Variants in NDST1 observed in about 807,000 individuals in gnomAD.
NDST1 encodes bifunctional heparan sulfate N-deacetylase/N-sulfotransferase 1.
NDST1 carries 35 observed loss-of-function variants against 92.8 expected under a neutral mutation model. The observed-to-expected ratio is 0.38, with a 90% CI of 0.29 to 0.50. The LOEUF is 0.50. Among genes scored for constraint, NDST1 ranks in the 20% least tolerant of loss-of-function variants. The probability of loss-of-function intolerance (pLI) is 0.94; values close to 1 mark genes in which losing one functional copy is unlikely to be tolerated. For missense variants in NDST1, 822 were observed against 1,182.7 expected, an observed-to-expected ratio of 0.69 and a Z score of 4.47; for synonymous variants, 493 against 500.3, an observed-to-expected ratio of 0.99 and a Z score of 0.19.
At position 150,542,979 on chromosome 5, in the gene NDST1, G is replaced by A. The variant is rs1052202232; in HGVS notation, c.1970+8G>A. The A allele has an allele frequency of 1.2e-6, 2 of 1,613,776 alleles. No individual in the cohort carries two copies. The highest frequency in any genetic ancestry group is 1.7e-6 in the Non-Finnish European group (2 of 1,179,816). ...TCACAAAGGCATCGACTGGTGAGTT[G>A]GCCTTTCTGTCCACAGCGGGACGGG... On this transcript the variant is annotated splice_region_variant and intron_variant, in intron 10 of 14. Coordinates refer to ENST00000261797, the MANE Select transcript of NDST1 (RefSeq NM_001543.5).
chr5:150,536,720 C>T (rs1755007183), intron 6 of NDST1, among the ~76,000 whole-genome samples: 1 of 152,120 alleles, frequency 6.6e-6, no homozygotes, highest in Non-Finnish European at 1.5e-5. Flanking sequence ...CATACACCAC[C>T]ATGCCTGGAT....
chr5:150,532,814 A>G, intron 3 of NDST1, 131 bp from the exon 4 acceptor site: 1 of 888,494 alleles, frequency 1.1e-6, no homozygotes, highest in Non-Finnish European at 1.9e-6. Context: ...GGCATGAGCC[A>G]CCACGCCGTC....
chr5:150,547,151 A>C (rs17713536), intron 11 of NDST1, among the ~76,000 whole-genome samples: 4,365 of 152,344 alleles, frequency 0.029, 77 homozygotes, highest in Middle Eastern at 0.058. Flanking sequence ...AGTTTCAGCA[A>C]GTTTCATGTG....
At position 150,549,706 on chromosome 5, in the gene NDST1, G is replaced by T. The variant is rs747907538; in HGVS notation, c.2345G>T (p.Arg782Leu). The change falls in exon 13 of 15, where the codon CGC becomes CTC. Residue 782 changes from arginine to leucine, a missense_variant. Arg to Leu is a moderately radical substitution (Grantham distance 102, BLOSUM62 -2). Transcript: ENST00000261797. Reference sequence around the variant, plus strand: ...CTGGTCTTGGATGGCAAACTGCTTCGCACAGAACCTGCCAAAGTGATGGAC... The same window carrying T: ...CTGGTCTTGGATGGCAAACTGCTTCTCACAGAACCTGCCAAAGTGATGGAC... The part of the protein sequence containing the change: ...QILVLDGKLL[R>L]TEPAKVMDMV... The T allele has an allele frequency of 2.2e-5, 35 of 1,613,810 alleles. No homozygotes were observed. The East Asian group carries it at 3.3e-4, about 15-fold the overall frequency.
At chr5:150,505,322 T>G (rs1418561965), upstream of NDST1, among the ~76,000 whole-genome samples, 1 of 152,074 alleles carries the variant, frequency 6.6e-6, no homozygotes, top group Non-Finnish European at 1.5e-5. Flanking sequence ...ATGTGGGAGG[T>G]GCAAAGAGCT....
At chr5:150,520,161 A>G (rs905343977) in intron 1 of NDST1, among the ~76,000 whole-genome samples, 1 of 152,102 alleles carries the variant, frequency 6.6e-6, no homozygotes, top group Non-Finnish European at 1.5e-5. Context: ...CCTCAGACAT[A>G]TTTACTTAAC....
chr5:150,522,513 C>G (rs1754285741), intron 2 of NDST1, among the ~76,000 whole-genome samples: 1 of 152,162 alleles, frequency 6.6e-6, no homozygotes, highest in South Asian at 2.1e-4. Context: ...AAGATGAAAG[C>G]AGACACTAGC....
At chr5:150,504,352 C>T (rs1396318843), upstream of NDST1, among the ~76,000 whole-genome samples, 1 of 152,190 alleles carries the variant, frequency 6.6e-6, no homozygotes, top group Non-Finnish European at 1.5e-5. Flanking sequence ...AGGCACTTGA[C>T]CAAGGTCTCA....
At chr5:150,528,608 C>T (rs1407913726) in intron 3 of NDST1, among the ~76,000 whole-genome samples, 13 of 151,590 alleles carry the variant, frequency 8.6e-5, no homozygotes, top group Non-Finnish European at 1.3e-4. Context: ...CTGGCCAACA[C>T]AGCGAAACCC....
Position 150,521,908 on chromosome 5 carries a change from A to C in NDST1, c.513+141A>C. ...GGGTTAAATGAGTGAGTATATGTAA[A>C]GCACTGGGAGCATGCGGTGCCCACT... On this transcript the variant is annotated intron_variant, in intron 2 of 14. Coordinates refer to ENST00000261797, the MANE Select transcript of NDST1 (RefSeq NM_001543.5). The surrounding 1 kb of genome is among the most constrained non-coding windows in gnomAD (Gnocchi z 5.9). 9.0e-7 allele frequency: 1 copy of C among 1,111,346 alleles called. No homozygotes were observed. The highest frequency in any genetic ancestry group is 1.3e-5 in the South Asian group (1 of 76,554). The allele number at this position is 1,111,346 out of a possible 1,614,324, so 68.8% of individuals were successfully genotyped here.
Position 150,542,903 on chromosome 5 carries a change from C to T in NDST1, c.1902C>T (p.Tyr634=), listed in dbSNP as rs767109274. The T allele has an allele frequency of 3.1e-6, 5 of 1,614,216 alleles. No individual in the cohort carries two copies. The South Asian group carries it at 4.4e-5, about 14-fold the overall frequency. ...TGCACCCTGACCTAAGCAGCAACTA[C>T]CCCAGCTCTGAGACCTTTGAGGAGA... ...LGMHPDLSSN[Y]PSSETFEEIQ... Residue 634 remains tyrosine, a synonymous_variant, in exon 10 of 15, where the codon TAC becomes TAT. Transcript: ENST00000261797.
chr5:150,523,366 A>G (rs1214665919), intron 2 of NDST1, among the ~76,000 whole-genome samples: 1 of 152,200 alleles, frequency 6.6e-6, no homozygotes, highest in African/African-American at 2.4e-5. Context: ...AGGCCTGAAA[A>G]GCGTCAAGAG....
upstream of NDST1, among the ~76,000 whole-genome samples, chr5:150,505,463 G>A (rs972377914): frequency 4.6e-5 from 7 of 152,182 alleles, no homozygotes; most frequent in Non-Finnish European, 7.3e-5. Context: ...CCTTAAGCAA[G>A]TTGCTTAATC....
chr5:150,532,202 G>A (rs553536052), intron 3 of NDST1, among the ~76,000 whole-genome samples: 1 of 152,290 alleles, frequency 6.6e-6, no homozygotes, highest in South Asian at 2.1e-4. Context: ...TAACTGCTGG[G>A]CTCAAGCAAT....
At chr5:150,527,728 A>C in intron 2 of NDST1, 76 bp from the exon 3 acceptor site, 2 of 1,597,070 alleles carry the variant, frequency 1.3e-6, no homozygotes, top group Non-Finnish European at 1.7e-6. Flanking sequence ...GTTATGGTCC[A>C]CATGTGAGAG....
rs542063817 is a variant in NDST1 at position 150,512,495 on chromosome 5, G to T, written c.-388+4269G>T. ...CATGCTTGGCACCTAGTGGTGCTCAGTAAATACAGGATGAGGAAACAGGTC... is the reference window on the plus strand; with the variant it reads ...CATGCTTGGCACCTAGTGGTGCTCATTAAATACAGGATGAGGAAACAGGTC... On this transcript the variant is annotated intron_variant, in intron 1 of 14. Transcript: ENST00000261797. Among the ~76,000 whole-genome samples the T allele has an allele frequency of 2.0e-5, 3 of 152,354 alleles. No homozygotes were observed. In the East Asian group the frequency reaches 5.8e-4, roughly 29 times the overall value.
upstream of NDST1, among the ~76,000 whole-genome samples, chr5:150,504,882 G>A (rs17726596): frequency 0.031 from 4,699 of 152,234 alleles, 396 homozygotes; most frequent in Admixed American, 0.17. Context: ...CTGGAAAGTC[G>A]TGAGCATGGA....
At chr5:150,499,746 G>A (rs146067388) in intron 1 of NDST1, among the ~76,000 whole-genome samples, 2 of 152,218 alleles carry the variant, frequency 1.3e-5, no homozygotes. Flanking sequence ...TTCTTAAGCT[G>A]CAGATAACAG....
chr5:150,536,077 A>G, intron 6 of NDST1, among the ~76,000 whole-genome samples, 192 bp downstream of exon 6: 1 of 152,210 alleles, frequency 6.6e-6, no homozygotes, highest in Middle Eastern at 3.2e-3. Context: ...GACCCCTTTC[A>G]TGAGCTCTTT....
Sources: gnomAD v4.1 joint callset for allele counts (sites outside exome capture counted in the v4.1 genomes callset) on GRCh38, gnomAD v4.1.1 for gene constraint, Gnocchi (gnomAD v3.1) non-coding constraint, MANE v1.5 for transcripts, NCBI Gene and HGNC (gene_info 2026-07-23, HGNC 2026-07-21) for gene names.